The following ZNF425 variants were observed in gnomAD, a reference collection of about 807,000 sequenced individuals.
The protein encoded by ZNF425 is zinc finger protein 425.
A neutral mutation model predicts 17.0 loss-of-function variants in ZNF425; 21 were observed. The ratio of observed to expected loss-of-function variants is 1.23; its 90% CI spans 0.88 to 1.78. ZNF425 has a LOEUF of 1.78. Among genes scored for constraint, ZNF425 ranks in the 40% most tolerant of loss-of-function variants. The pLI is 0.00. For missense variants in ZNF425, 868 were observed against 967.3 expected (o/e 0.90, Z 1.36); for synonymous variants, 433 against 384.1 (o/e 1.13, Z -1.49).
rs775693461 is a variant in ZNF425, at chr7:149,105,163, C to T, written c.708G>A (p.Thr236=). 1.9e-6 allele frequency: 3 copies of T among 1,614,218 alleles called. No homozygotes were observed. The highest frequency in any genetic ancestry group is 2.5e-6 in the Non-Finnish European group (3 of 1,180,044). Residue 236 remains threonine (T), a synonymous_variant, in exon 4 of 4, where the codon ACG becomes ACA. Coordinates refer to ENST00000378061, the MANE Select transcript of ZNF425 (RefSeq NM_001001661.3). ...SSRGKSELRR[T]QRLLCQKKRF... The stretch of plus-strand genomic sequence containing the variant: ...GCTTCTTCTGACACAGGAGCCTCTG[C>T]GTCCGCCTGAGTTCGGACTTCCCTC...
In ZNF425 at chr7:149,108,974, G is replaced by A. The variant is rs115746857; in HGVS notation, c.304+3163C>T. 9.9e-3 allele frequency among the ~76,000 whole-genome samples: 1,500 copies of A among 151,966 alleles called. 30 individuals are homozygous for A. The highest frequency in any genetic ancestry group is 0.034 in the African/African-American group (1,408 of 41,402). On this transcript the variant is annotated intron_variant, in intron 3 of 3. Coordinates refer to ENST00000378061, the MANE Select transcript of ZNF425 (RefSeq NM_001001661.3). ...TCCACCTTGGCAATCCTGGCCTCAC[G>A]TCGTCTAACACCAATTTATGTTTTT...
At chr7:149,120,721 T>G (rs1275050316) in intron 1 of ZNF425, among the ~76,000 whole-genome samples, 1 of 152,218 alleles carries the variant, frequency 6.6e-6, no homozygotes, top group Admixed American at 6.5e-5. Context: ...AAGCACACTC[T>G]GATGTTTGCA....
In ZNF425 at chr7:149,104,813, C is replaced by G; in HGVS notation, c.1058G>C (p.Ser353Thr). The G allele has an allele frequency of 6.2e-7, 1 of 1,613,864 alleles. No individual in the cohort carries two copies. Among genetic ancestry groups the G allele is most frequent in the Non-Finnish European group, 8.5e-7 (1 of 1,180,002 alleles). Residue 353 changes from serine to threonine, a missense_variant, in exon 4 of 4, where the codon AGC (serine) becomes ACC (threonine). Ser to Thr is a moderately conservative substitution (Grantham distance 58). Coordinates refer to ENST00000378061, the MANE Select transcript of ZNF425 (RefSeq NM_001001661.3). The surrounding 1 kb of genome is among the most constrained non-coding windows in gnomAD (Gnocchi z 4.3). ...RGMKVHLTQH[S>T]GKRPFHCPEC... ...GGGACAGTGGAAGGGCCTCTTCCCG[C>G]TGTGCTGGGTCAGATGGACCTTCAT...
At chr7:149,119,518 T>C (rs1054543329) in intron 1 of ZNF425, among the ~76,000 whole-genome samples, 1 of 152,316 alleles carries the variant, frequency 6.6e-6, no homozygotes, top group East Asian at 1.9e-4. Context: ...TTCTGTTATT[T>C]CATCGCATAT....
In ZNF425 at chr7:149,103,101, G is replaced by C. The variant is rs1053526874; in HGVS notation, c.*511C>G. The C allele has an allele frequency of 6.5e-6, 1 of 153,126 alleles. No individual in the cohort carries two copies. The highest frequency in any genetic ancestry group is 1.5e-5 in the Non-Finnish European group (1 of 68,766). 9.5% of individuals were successfully genotyped at this position (153,126 alleles called of 1,614,324 possible). A position where few individuals can be genotyped will look rare whatever the true frequency, so the allele number is the denominator to read the frequency against. ...ACAACTGGCACGTCTTTCCTATGAC[G>C]ATTATTGAGGGAGATGTCTCTTTGA... is the stretch of plus-strand genomic sequence containing the variant. On this transcript the variant is annotated 3_prime_UTR_variant, in exon 4 of 4. Transcript: ENST00000378061.
chr7:149,104,519 A>G lies in ZNF425; in HGVS notation c.1352T>C (p.Phe451Ser). 1 of 1,603,106 alleles carries G rather than the reference A, an allele frequency of 6.2e-7. No homozygotes were observed. Among genetic ancestry groups the G allele is most frequent in the Admixed American group, 1.7e-5 (1 of 58,200 alleles). The stretch of plus-strand genomic sequence containing the variant: ...GGCGCGCATGGCGTTCCTCCAGAAG[A>G]AGCCCCTGCTGCACTCCGGGCACTG... ...PFQCPECSRGFFWRNAMRAHQ... is the reference protein window; with the variant it reads ...PFQCPECSRGSFWRNAMRAHQ... The change falls in exon 4 of 4, where the codon TTC becomes TCC. Residue 451 changes from phenylalanine (F) to serine (S), a missense_variant. Physicochemically the swap from Phe to Ser is radical, Grantham distance 155. This residue lies in a region of ZNF425 where 437 missense variants were observed against 444.2 expected (regional missense o/e 0.98). Transcript: ENST00000378061. This position sits in a 1 kb window ranked among gnomAD's most constrained non-coding sequence, Gnocchi z 4.3.
Position 149,118,254 on chromosome 7 carries a change from AT to A in ZNF425, c.112del (p.Met38Ter), listed in dbSNP as rs1399996788. The A allele has an allele frequency of 8.1e-6, 13 of 1,614,112 alleles. No individual in the cohort carries two copies. Among genetic ancestry groups the A allele is most frequent in the Non-Finnish European group, 1.1e-5 (13 of 1,180,012 alleles). On this transcript the variant is annotated frameshift_variant, in exon 2 of 4. Coordinates refer to ENST00000378061, the MANE Select transcript of ZNF425 (RefSeq NM_001001661.3). LOFTEE classifies it high-confidence loss of function. ...KWQKQMYKQE[M>X]KTNYETLDSL... ...ATCAAGGGTCTCGTAATTGGTCTTC[AT>A]CTCTTGCTTATACATTTGCTTCTGC...
At position 149,118,267 on chromosome 7, in the gene ZNF425, A is replaced by C. The variant is rs772481533; in HGVS notation, c.100T>G (p.Tyr34Asp). Residue 34 changes from tyrosine (Y) to aspartate (D), a missense_variant, in exon 2 of 4, where the codon TAT becomes GAT. By Grantham distance (160) the Tyr-to-Asp change is radical (BLOSUM62 -3). Transcript: ENST00000378061. ...TAATTGGTCTTCATCTCTTGCTTAT[A>C]CATTTGCTTCTGCCACTTCTCCAGG... ...EILEKWQKQM[Y>D]KQEMKTNYET... 1.8e-5 allele frequency: 29 copies of C among 1,614,010 alleles called. No individual in the cohort carries two copies. Among genetic ancestry groups the C allele is most frequent in the East Asian group, 2.2e-5 (1 of 44,884 alleles).
chr7:149,107,104 CA>C (rs35268081), intron 3 of ZNF425, among the ~76,000 whole-genome samples: 11,158 of 82,062 alleles, frequency 0.14, 436 homozygotes, highest in Middle Eastern at 0.17. Flanking sequence ...GAGACTGTCT[CA>C]AAAAAAAAAA....
chr7:149,110,861 C>T (rs1160856227), intron 3 of ZNF425, among the ~76,000 whole-genome samples: 1 of 144,918 alleles, frequency 6.9e-6, no homozygotes, highest in African/African-American at 2.5e-5. Flanking sequence ...GTGGTGCAAT[C>T]TCGGCTCACT....
At chr7:149,115,392 G>C (rs1190055643) in intron 2 of ZNF425, among the ~76,000 whole-genome samples, 6 of 151,758 alleles carry the variant, frequency 4.0e-5, no homozygotes, top group Admixed American at 6.6e-5. Context: ...GGTGGCTCAC[G>C]CTTGTAATCC....
rs35777509 is a variant in ZNF425 at position 149,105,957 on chromosome 7, C to CTTTT, written c.305-395_305-392dup. Among the ~76,000 whole-genome samples, 35 of 119,376 alleles carry CTTTT rather than the reference C, an allele frequency of 2.9e-4. 2 individuals carry two copies. The highest frequency in any genetic ancestry group is 5.8e-3 in the Middle Eastern group (1 of 172). The allele number at this position is 119,376 out of a possible 152,430, so 78.3% of individuals were successfully genotyped here. A position where few individuals can be genotyped will look rare whatever the true frequency, so the allele number is the denominator to read the frequency against. On this transcript the variant is annotated intron_variant, in intron 3 of 3. Transcript: ENST00000378061. ...GCCTTTTTTAAAAAAAATTTTTTTC[C>CTTTT]TTTTTTTTTTTTTTTTGAGACGGAG...
rs916341415 is a variant in ZNF425, at chr7:149,118,261, G to A, written c.106C>T (p.Gln36Ter). ...LEKWQKQMYK[Q>*]EMKTNYETLD... ...GTCTCGTAATTGGTCTTCATCTCTT[G>A]CTTATACATTTGCTTCTGCCACTTC... Residue 36 changes from glutamine to a stop codon, truncating the protein, a stop_gained, in exon 2 of 4, where the codon CAA becomes TAA. Coordinates refer to ENST00000378061, the MANE Select transcript of ZNF425 (RefSeq NM_001001661.3). LOFTEE classifies it high-confidence loss of function. 2 of 1,613,934 alleles carry A rather than the reference G, an allele frequency of 1.2e-6. No homozygotes were observed. The highest frequency in any genetic ancestry group is 1.1e-5 in the South Asian group (1 of 91,088).
intron 3 of ZNF425, among the ~76,000 whole-genome samples, chr7:149,106,469 C>T (rs1346707997): frequency 6.6e-6 from 1 of 151,840 alleles, no homozygotes; most frequent in African/African-American, 2.4e-5. Flanking sequence ...AAACTGACCT[C>T]AAACAATCCA....
chr7:149,103,467 C>T lies in ZNF425; in HGVS notation c.*145G>A, dbSNP rs575521123. 772 of 1,070,336 alleles carry T rather than the reference C, an allele frequency of 7.2e-4. 3 individuals carry two copies. The highest frequency in any genetic ancestry group is 9.5e-4 in the Non-Finnish European group (732 of 767,922). 66.3% of individuals were successfully genotyped at this position (1,070,336 alleles called of 1,614,324 possible). Reference sequence around the variant, plus strand: ...TTCTGGGCTCAAGCGATCCTCCCACCTGGGCCTCCCAAAGTAATGGGATTA... The same window carrying T: ...TTCTGGGCTCAAGCGATCCTCCCACTTGGGCCTCCCAAAGTAATGGGATTA... On this transcript the variant is annotated 3_prime_UTR_variant, in exon 4 of 4. Transcript: ENST00000378061.
intron 1 of ZNF425, among the ~76,000 whole-genome samples, chr7:149,119,406 G>T (rs1200547575): frequency 2.6e-5 from 4 of 152,120 alleles, no homozygotes; most frequent in Non-Finnish European, 5.9e-5. Flanking sequence ...TTTTAAAAAG[G>T]TTCCATGTAC....
chr7:149,123,322 T>C (rs1172698359), intron 1 of ZNF425, among the ~76,000 whole-genome samples: 1 of 152,186 alleles, frequency 6.6e-6, no homozygotes, highest in African/African-American at 2.4e-5. Flanking sequence ...CTGGACATCT[T>C]GAAAGATGGC....
intron 1 of ZNF425, 131 bp downstream of exon 1, chr7:149,126,065 C>A: frequency 6.6e-7 from 1 of 1,525,480 alleles, no homozygotes; most frequent in South Asian, 1.2e-5. Flanking sequence ...GCCCGGAGCT[C>A]AGTCCGTGGG....
intron 1 of ZNF425, among the ~76,000 whole-genome samples, chr7:149,121,975 G>A (rs138732581): frequency 6.6e-4 from 100 of 152,036 alleles, no homozygotes; most frequent in African/African-American, 2.1e-3. Context: ...GAGTGCAGTG[G>A]TGCAATCGCG....
Sources: gnomAD v4.1 joint callset for allele counts (sites outside exome capture counted in the v4.1 genomes callset) on GRCh38, gnomAD v4.1.1 for gene constraint, gnomAD v4.1.1 regional missense constraint, Gnocchi (gnomAD v3.1) non-coding constraint, MANE v1.5 for transcripts, NCBI Gene and HGNC (gene_info 2026-07-23, HGNC 2026-07-21) for gene names.